Variants in PTPRD observed in about 807,000 individuals in gnomAD.
The protein encoded by PTPRD is protein tyrosine phosphatase receptor type D.
A neutral mutation model predicts 214.5 loss-of-function variants in PTPRD; 34 were observed. That is an observed-to-expected ratio of 0.16 (90% CI 0.12 to 0.21). The LOEUF is 0.21. Among genes scored for constraint, PTPRD ranks in the 10% least tolerant of loss-of-function variants. The probability of loss-of-function intolerance (pLI) is 1.00; values close to 1 mark genes in which losing one functional copy is unlikely to be tolerated. For missense variants in PTPRD, 2,545 were observed against 2,398.7 expected, an observed-to-expected ratio of 1.06 and a Z score of -1.27; for synonymous variants, 1,128 against 845.7, an observed-to-expected ratio of 1.33 and a Z score of -5.79.
chr9:8,701,472 CA>C (rs201242388), intron 12 of PTPRD: 7 of 150,140 alleles, frequency 4.7e-5, no homozygotes, highest in African/African-American at 9.8e-5. Context: ...CCGTCTCTAC[CA>C]AAAAAAAATA....
intron 8 of PTPRD, among the ~76,000 whole-genome samples, chr9:9,483,627 GA>G (rs2147217472): frequency 6.6e-6 from 1 of 152,148 alleles, no homozygotes; most frequent in African/African-American, 2.4e-5. Flanking sequence ...CTCATTGCTA[GA>G]GGGCTTATAG....
intron 11 of PTPRD, among the ~76,000 whole-genome samples, chr9:8,744,842 G>A (rs185631466): frequency 6.6e-6 from 1 of 152,272 alleles, no homozygotes; most frequent in East Asian, 1.9e-4. Flanking sequence ...TCCCAACGTT[G>A]TCCTCATGAC....
chr9:9,666,259 C>T (rs1185026264), intron 7 of PTPRD, among the ~76,000 whole-genome samples: 1 of 151,812 alleles, frequency 6.6e-6, no homozygotes, highest in African/African-American at 2.4e-5. Flanking sequence ...ACACTGGTAT[C>T]CTGTACAGTA....
intron 14 of PTPRD, among the ~76,000 whole-genome samples, chr9:8,598,252 G>C (rs2094579607): frequency 6.6e-6 from 1 of 152,120 alleles, no homozygotes; most frequent in African/African-American, 2.4e-5. Context: ...AGGAGTTTGA[G>C]ACCAGCCTGG....
intron 7 of PTPRD, among the ~76,000 whole-genome samples, chr9:9,697,123 T>A (rs1032875040): frequency 2.0e-5 from 3 of 152,092 alleles, no homozygotes; most frequent in Non-Finnish European, 4.4e-5. Flanking sequence ...AATTTACATA[T>A]TTTTATAGTG....
At chr9:10,538,358 A>G (rs2058358494) in intron 2 of PTPRD, among the ~76,000 whole-genome samples, 1 of 151,988 alleles carries the variant, frequency 6.6e-6, no homozygotes, top group Admixed American at 6.6e-5. Flanking sequence ...TTCTGTTCTC[A>G]ATGACTTTGT....
At position 9,837,306 on chromosome 9, in the gene PTPRD, G is replaced by A. The variant is rs566346942; in HGVS notation, c.-367-70455C>T. Among the ~76,000 whole-genome samples the A allele has an allele frequency of 1.1e-4, 17 of 152,194 alleles. No homozygotes were observed. The East Asian group carries it at 2.9e-3, about 26-fold the overall frequency. ...TATGGGACTATTCTTTTGAGAGGAT[G>A]GTTTAATGAGAGATAGTTACAATAT... On this transcript the variant is annotated intron_variant, in intron 5 of 45. Transcript: ENST00000381196.
At chr9:10,574,676 T>C (rs1163344830) in intron 2 of PTPRD, among the ~76,000 whole-genome samples, 1 of 151,956 alleles carries the variant, frequency 6.6e-6, no homozygotes, top group Non-Finnish European at 1.5e-5. Context: ...TGAATCATTA[T>C]ATGATCTAAG....
intron 22 of PTPRD, among the ~76,000 whole-genome samples, chr9:8,506,427 A>C (rs575408992): frequency 6.6e-6 from 1 of 152,334 alleles, no homozygotes; most frequent in African/African-American, 2.4e-5. Context: ...GATGTATCTT[A>C]ATATCGATTT....
rs77760550 is a variant in PTPRD at position 9,195,258 on chromosome 9, G to A, written c.-202-11895C>T. Among the ~76,000 whole-genome samples, 732 of 152,036 alleles carry A rather than the reference G, an allele frequency of 4.8e-3. 8 individuals carry two copies. Among genetic ancestry groups the A allele is most frequent in the African/African-American group, 0.016 (680 of 41,522 alleles). On this transcript the variant is annotated intron_variant, in intron 9 of 45. Transcript: ENST00000381196. ...TAACTTATGTGGAATCTCAATTTCA[G>A]CATGCTGTTTACATAATTCACAAAC... is the stretch of plus-strand genomic sequence containing the variant.
intron 7 of PTPRD, among the ~76,000 whole-genome samples, chr9:9,732,401 A>G (rs1261159490): frequency 6.6e-6 from 1 of 152,166 alleles, no homozygotes; most frequent in African/African-American, 2.4e-5. Flanking sequence ...ACCTGGTAGT[A>G]TATTAAGAAT....
At chr9:10,039,280 A>C (rs1307223932) in intron 3 of PTPRD, among the ~76,000 whole-genome samples, 1 of 152,124 alleles carries the variant, frequency 6.6e-6, no homozygotes, top group Non-Finnish European at 1.5e-5. Context: ...GAAAATGAAT[A>C]CAAAGAAAGA....
intron 7 of PTPRD, among the ~76,000 whole-genome samples, chr9:9,595,850 T>C (rs987858415): frequency 2.0e-5 from 3 of 151,886 alleles, no homozygotes; most frequent in African/African-American, 7.3e-5. Flanking sequence ...TAGTGTATAC[T>C]GCTCAATGAT....
At chr9:9,448,245 A>G (rs1387149012) in intron 8 of PTPRD, among the ~76,000 whole-genome samples, 1 of 152,092 alleles carries the variant, frequency 6.6e-6, no homozygotes, top group African/African-American at 2.4e-5. Flanking sequence ...ACACTCTGAT[A>G]CGGTTTGGCT....
intron 11 of PTPRD, among the ~76,000 whole-genome samples, chr9:8,792,255 T>C (rs2096261661): frequency 6.6e-6 from 1 of 152,192 alleles, no homozygotes; most frequent in Non-Finnish European, 1.5e-5. Flanking sequence ...ATTGTTACTT[T>C]GATTCTAAAA....
intron 4 of PTPRD, among the ~76,000 whole-genome samples, chr9:9,963,126 A>C (rs1177047485): frequency 6.6e-6 from 1 of 152,170 alleles, no homozygotes; most frequent in Non-Finnish European, 1.5e-5. Flanking sequence ...AAAGTAAATC[A>C]GGTGGATTTA....
chr9:8,959,841 T>C (rs2099149915), intron 11 of PTPRD, among the ~76,000 whole-genome samples: 1 of 152,040 alleles, frequency 6.6e-6, no homozygotes, highest in Non-Finnish European at 1.5e-5. Flanking sequence ...TAGACGGAGT[T>C]GCTAAAACAT....
intron 3 of PTPRD, among the ~76,000 whole-genome samples, chr9:10,049,178 G>C (rs1005066364): frequency 6.6e-6 from 1 of 152,114 alleles, no homozygotes; most frequent in African/African-American, 2.4e-5. Flanking sequence ...GGCGTTTGCG[G>C]AAAAAGGAGG....
At chr9:9,118,651 T>C (rs562793940) in intron 10 of PTPRD, among the ~76,000 whole-genome samples, 5 of 152,278 alleles carry the variant, frequency 3.3e-5, no homozygotes, top group South Asian at 2.1e-4. Context: ...CTTTCCTCTA[T>C]TGAGACGACA....
Sources: gnomAD v4.1 joint callset for allele counts (sites outside exome capture counted in the v4.1 genomes callset) on GRCh38, gnomAD v4.1.1 for gene constraint, MANE v1.5 for transcripts, NCBI Gene and HGNC (gene_info 2026-07-23, HGNC 2026-07-21) for gene names.